Variants in RPS12 observed in about 807,000 individuals in gnomAD.
RPS12 encodes small ribosomal subunit protein eS12.
RPS12 carries 1 observed loss-of-function variant against 17.2 expected under a neutral mutation model. The observed-to-expected ratio is 0.06, with a 90% CI of 0.02 to 0.28. The LOEUF is 0.28. Ranked by LOEUF, RPS12 falls within the 10% of genes least tolerant of loss-of-function variation. RPS12 has a pLI of 1.00. For synonymous variants in RPS12, 67 were observed against 54.0 expected (o/e 1.24, Z -1.06); for missense variants, 146 against 162.1 (o/e 0.90, Z 0.54).
intron 3 of RPS12, chr6:132,815,744 T>A (rs774177029): frequency 1.1e-5 from 5 of 456,740 alleles, no homozygotes; most frequent in South Asian, 7.7e-5. Flanking sequence ...TTAATGTATT[T>A]AGTAGGTCCT....
chr6:132,816,130 G>T (rs573289956), intron 3 of RPS12: 18 of 393,014 alleles, frequency 4.6e-5, no homozygotes, highest in Non-Finnish European at 7.2e-5. Flanking sequence ...CATCGTGCCC[G>T]GCCTTTCACA....
At position 132,814,613 on chromosome 6, in the gene RPS12, G is replaced by C; in HGVS notation, c.-38G>C. 1.1e-6 allele frequency: 1 copy of C among 924,774 alleles called. No homozygotes were observed. Among genetic ancestry groups the C allele is most frequent in the East Asian group, 2.4e-5 (1 of 41,772 alleles). The allele number at this position is 924,774 out of a possible 1,614,324, so 57.3% of individuals were successfully genotyped here. A position where few individuals can be genotyped will look rare whatever the true frequency, so the allele number is the denominator to read the frequency against. On this transcript the variant is annotated splice_region_variant and 5_prime_UTR_variant, in exon 1 of 6. Transcript: ENST00000230050. ...GAGTCGCGCGGAGGCGGAGGCTTGG[G>C]GTAAGTTGAGCGAGGCGGCAGGGGG...
At chr6:132,816,939 T>A in intron 4 of RPS12, 21 bp from the exon 5 acceptor site, 4 of 1,444,904 alleles carry the variant, frequency 2.8e-6, no homozygotes, top group Non-Finnish European at 3.9e-6. Flanking sequence ...TTTTTTTTTT[T>A]TTTAACCTTT....
At chr6:132,815,362 CATA>C (rs746721125) in intron 3 of RPS12, 8 of 622,110 alleles carry the variant, frequency 1.3e-5, no homozygotes, top group South Asian at 2.8e-5. Flanking sequence ...ATGAGTGAAA[CATA>C]AGAGTCTGAC....
At chr6:132,816,920 TTAA>T (rs1398108315) in intron 4 of RPS12, 37 bp from the exon 5 acceptor site, 1 of 1,283,202 alleles carries the variant, frequency 7.8e-7, no homozygotes, top group African/African-American at 1.9e-5. Flanking sequence ...TTAATGTCTA[TTAA>T]TGTGATTTTT....
In RPS12 at chr6:132,817,074, T is replaced by C; in HGVS notation, c.336+13T>C. ...TGTAGTAGTTAAGGTAAGTCACCGT[T>C]TATTCTAGGGATGAAGGTTATGCTG... On this transcript the variant is annotated intron_variant, in intron 5 of 5. Coordinates refer to ENST00000230050, the MANE Select transcript of RPS12 (RefSeq NM_001016.4). 1 of 1,465,292 alleles carries C rather than the reference T, an allele frequency of 6.8e-7. No homozygotes were observed. The highest frequency in any genetic ancestry group is 2.3e-5 in the East Asian group (1 of 44,174). The allele number at this position is 1,465,292 out of a possible 1,614,324, so 90.8% of individuals were successfully genotyped here.
intron 3 of RPS12, chr6:132,815,638 C>T (rs1562280379): frequency 4.4e-6 from 2 of 456,666 alleles, no homozygotes; most frequent in Non-Finnish European, 4.4e-6. Context: ...TCAACCTACT[C>T]TTGAGCTGAA....
Position 132,814,574 on chromosome 6 carries a change from T to A in RPS12, c.-77T>A. 1 of 742,128 alleles carries A rather than the reference T, an allele frequency of 1.3e-6. No individual in the cohort carries two copies. The highest frequency in any genetic ancestry group is 2.4e-6 in the Non-Finnish European group (1 of 419,722). 46.0% of individuals were successfully genotyped at this position (742,128 alleles called of 1,614,324 possible). ...GGCATGCGTGCGGATGAGGCCTCTTTCCCTGCCGCCGCCGAGTCGCGCGGA... is the reference window on the plus strand; with the variant it reads ...GGCATGCGTGCGGATGAGGCCTCTTACCCTGCCGCCGCCGAGTCGCGCGGA... On this transcript the variant is annotated 5_prime_UTR_variant, in exon 1 of 6. Coordinates refer to ENST00000230050, the MANE Select transcript of RPS12 (RefSeq NM_001016.4).
intron 5 of RPS12, 107 bp from the exon 6 acceptor site, chr6:132,817,373 T>A (rs755117303): frequency 2.5e-5 from 21 of 857,070 alleles, no homozygotes. Context: ...GAAACATTTT[T>A]ATAAGACATA....
chr6:132,815,118 T>C (rs1183914827), intron 3 of RPS12, 30 bp downstream of exon 3: 1 of 1,411,620 alleles, frequency 7.1e-7, no homozygotes, highest in Non-Finnish European at 1.0e-6. Flanking sequence ...TACTGTGGGT[T>C]CTTGCAACCG....
chr6:132,815,253 C>G, intron 3 of RPS12, 165 bp downstream of exon 3: 5 of 749,386 alleles, frequency 6.7e-6, no homozygotes, highest in African/African-American at 1.7e-5. Flanking sequence ...ATAAAGCCCA[C>G]TTAAAATGTG....
At chr6:132,816,077 G>C (rs921672128) in intron 3 of RPS12, 4 of 371,344 alleles carry the variant, frequency 1.1e-5, no homozygotes, top group African/African-American at 4.2e-5. Flanking sequence ...CGGGTCATCT[G>C]CCCCCCTCGT....
chr6:132,814,882 C>A, intron 2 of RPS12, 90 bp from the exon 3 acceptor site: 1 of 1,420,490 alleles, frequency 7.0e-7, no homozygotes, highest in Non-Finnish European at 1.0e-6. Context: ...TCGCCGTAAG[C>A]GCGTCTGTTG....
chr6:132,816,928 AT>A (rs34924584), intron 4 of RPS12, 31 bp from the exon 5 acceptor site: 85,824 of 1,149,932 alleles, frequency 0.075, 81 homozygotes, highest in East Asian at 0.12. Context: ...TATTAATGTG[AT>A]TTTTTTTTTT....
In RPS12 at chr6:132,814,752, A is replaced by T. The variant is rs549056528; in HGVS notation, c.-17A>T. ...TTTAGTGCGTTCAAGATTCAACTTC[A>T]CCCGTAACCCACCGCCATGGCCGAG... On this transcript the variant is annotated 5_prime_UTR_variant, in exon 2 of 6. Transcript: ENST00000230050. 1 of 1,613,162 alleles carries T rather than the reference A, an allele frequency of 6.2e-7. No individual in the cohort carries two copies. Among genetic ancestry groups the T allele is most frequent in the African/African-American group, 1.3e-5 (1 of 74,808 alleles).
chr6:132,816,419 A>C, intron 3 of RPS12, 42 bp from the exon 4 acceptor site: 3 of 1,448,946 alleles, frequency 2.1e-6, no homozygotes, highest in Non-Finnish European at 2.9e-6. Context: ...ATGGATTTGG[A>C]TCTGAGTTTT....
chr6:132,815,578 A>G (rs1782030507), intron 3 of RPS12: 1 of 452,688 alleles, frequency 2.2e-6, no homozygotes, highest in Non-Finnish European at 4.4e-6. Context: ...TTGTTAATGT[A>G]TTTGAATGGA....
At position 132,816,208 on chromosome 6, in the gene RPS12, T is replaced by C. The variant is rs934785700; in HGVS notation, c.132-253T>C. 5.4e-6 allele frequency: 3 copies of C among 558,298 alleles called. No homozygotes were observed. In the Admixed American group the frequency reaches 9.4e-5, roughly 18 times the overall value. 34.6% of individuals were successfully genotyped at this position (558,298 alleles called of 1,614,324 possible). A position where few individuals can be genotyped will look rare whatever the true frequency, so the allele number is the denominator to read the frequency against. On this transcript the variant is annotated intron_variant, in intron 3 of 5. Coordinates refer to ENST00000230050, the MANE Select transcript of RPS12 (RefSeq NM_001016.4). The stretch of plus-strand genomic sequence containing the variant: ...ATGGTTGGGTTTTGGCCAGAAGTTT[T>C]AAAAATGACTTACACCAATTCAGTG...
intron 2 of RPS12, 46 bp from the exon 3 acceptor site, chr6:132,814,926 G>A (rs757757192): frequency 2.1e-6 from 3 of 1,437,702 alleles, no homozygotes; most frequent in South Asian, 1.1e-5. Context: ...AAGGCCTTAT[G>A]TGGTGTGAGG....
Sources: gnomAD v4.1 joint callset for allele counts on GRCh38, gnomAD v4.1.1 for gene constraint, MANE v1.5 for transcripts, NCBI Gene and HGNC (gene_info 2026-07-23, HGNC 2026-07-21) for gene names.